Variants in OR52E5 observed in about 807,000 individuals in gnomAD.
OR52E5 encodes the protein olfactory receptor family 52 subfamily E member 5, also known as olfactory receptor 52E5.
At chr11:5,893,948 T>C (rs2134286308) in intron 1 of OR52E5, among the ~76,000 whole-genome samples, 1 of 152,308 alleles carries the variant, frequency 6.6e-6, no homozygotes, top group South Asian at 2.1e-4. Context: ...GATCCAATCC[T>C]ACCTTCCTGG....
At chr11:5,896,474 TCA>T (rs1229752794) in intron 2 of OR52E5, among the ~76,000 whole-genome samples, 3 of 151,626 alleles carry the variant, frequency 2.0e-5, no homozygotes, top group Non-Finnish European at 4.4e-5. Flanking sequence ...GAAAAATTAT[TCA>T]GTTTTCAAAT....
At chr11:5,894,275 T>TC (rs1252023037) in intron 1 of OR52E5, among the ~76,000 whole-genome samples, 2 of 152,138 alleles carry the variant, frequency 1.3e-5, no homozygotes, top group Non-Finnish European at 2.9e-5. Flanking sequence ...ACTGGACCCC[T>TC]CTTCAAGAGC....
chr11:5,893,586 G>T (rs957354019), intron 1 of OR52E5, among the ~76,000 whole-genome samples: 103 of 152,170 alleles, frequency 6.8e-4, no homozygotes, highest in African/African-American at 2.5e-3. Context: ...ATTTCATGAA[G>T]ATGAGAAGGA....
At chr11:5,897,657 AAAT>A (rs1847193754) in intron 2 of OR52E5, among the ~76,000 whole-genome samples, 1 of 152,178 alleles carries the variant, frequency 6.6e-6, no homozygotes, top group Non-Finnish European at 1.5e-5. Context: ...GGATTCCTAG[AAAT>A]AATGATAGTT....
In OR52E5 at chr11:5,900,988, C is replaced by T; in HGVS notation, c.212C>T (p.Thr71Ile). The T allele has an allele frequency of 2.5e-6, 1 of 402,064 alleles. No homozygotes were observed. The highest frequency in any genetic ancestry group is 1.3e-4 in the South Asian group (1 of 7,952). The allele number at this position is 402,064 out of a possible 1,614,324, so 24.9% of individuals were successfully genotyped here. ...TACTTCCTAGCCATGTTGGCCGGCA[C>T]TGATCTGGGCTTGTCTACAGCAACC... is the stretch of plus-strand genomic sequence containing the variant. ...MFYFLAMLAG[T>I]DLGLSTATIP... is the part of the protein sequence containing the mutation. The change falls in exon 3 of 3, where the codon ACT becomes ATT. Residue 71 changes from threonine (T) to isoleucine (I), a missense_variant. Transcript: ENST00000610445.
At chr11:5,897,239 T>C (rs1256822987) in intron 2 of OR52E5, among the ~76,000 whole-genome samples, 1 of 152,174 alleles carries the variant, frequency 6.6e-6, no homozygotes, top group African/African-American at 2.4e-5. Context: ...ACCCAAATAG[T>C]GAACATTGTA....
chr11:5,899,192 T>C (rs1847216499), intron 2 of OR52E5, among the ~76,000 whole-genome samples: 1 of 152,196 alleles, frequency 6.6e-6, no homozygotes, highest in Non-Finnish European at 1.5e-5. Flanking sequence ...GTGTGGCTAT[T>C]TTAAATGGGT....
intron 1 of OR52E5, among the ~76,000 whole-genome samples, chr11:5,894,121 G>A (rs2134286490): frequency 6.6e-6 from 1 of 152,098 alleles, no homozygotes; most frequent in African/African-American, 2.4e-5. Context: ...GTGGATCCTG[G>A]CATTAAAAAA....
At chr11:5,898,276 G>A (rs534521272) in intron 2 of OR52E5, among the ~76,000 whole-genome samples, 4 of 151,948 alleles carry the variant, frequency 2.6e-5, no homozygotes, top group South Asian at 2.1e-4. Flanking sequence ...CTTTGCCCAC[G>A]TTTTAATTGG....
intron 2 of OR52E5, among the ~76,000 whole-genome samples, chr11:5,897,247 G>C (rs1332406877): frequency 6.6e-6 from 1 of 152,138 alleles, no homozygotes; most frequent in African/African-American, 2.4e-5. Flanking sequence ...AGTGAACATT[G>C]TACCCAAAAG....
At chr11:5,895,136 C>G (rs554013357) in intron 1 of OR52E5, among the ~76,000 whole-genome samples, 1 of 152,208 alleles carries the variant, frequency 6.6e-6, no homozygotes, top group South Asian at 2.1e-4. Context: ...GAAAAGATTG[C>G]TAAGGCCATG....
rs1210759816 is a variant in OR52E5 at position 5,901,530 on chromosome 11, C to G, written c.754C>G (p.Leu252Val). 2 of 401,766 alleles carry G rather than the reference C, an allele frequency of 5.0e-6. No individual in the cohort carries two copies. The highest frequency in any genetic ancestry group is 4.4e-6 in the Non-Finnish European group (1 of 226,402). 24.9% of individuals were successfully genotyped at this position (401,766 alleles called of 1,614,324 possible). A position where few individuals can be genotyped will look rare whatever the true frequency, so the allele number is the denominator to read the frequency against. ...SHVCVMLAFY[L>V]PALFSFMTHR... ...CGTCTGTGTTATGTTGGCTTTCTAC[C>G]TGCCAGCCCTCTTTTCCTTCATGAC... Residue 252 changes from leucine (L) to valine (V), a missense_variant, in exon 3 of 3, where the codon CTG (leucine) becomes GTG (valine). By Grantham distance (32) the Leu-to-Val change is conservative (BLOSUM62 1). Coordinates refer to ENST00000610445, the MANE Select transcript of OR52E5 (RefSeq NM_001005166.5).
chr11:5,894,849 T>C (rs1018002211), intron 1 of OR52E5, among the ~76,000 whole-genome samples: 2 of 152,100 alleles, frequency 1.3e-5, no homozygotes, highest in Non-Finnish European at 2.9e-5. Context: ...AGATCTTCCA[T>C]TGTAGATTAA....
At chr11:5,899,881 C>G (rs947476165) in intron 2 of OR52E5, among the ~76,000 whole-genome samples, 1 of 152,172 alleles carries the variant, frequency 6.6e-6, no homozygotes, top group East Asian at 1.9e-4. Context: ...CACTGTCCAT[C>G]AATATACCAG....
chr11:5,898,016 C>G (rs1847199218), intron 2 of OR52E5, among the ~76,000 whole-genome samples: 1 of 151,742 alleles, frequency 6.6e-6, no homozygotes, highest in Non-Finnish European at 1.5e-5. Flanking sequence ...GCGCACACCA[C>G]CACACCAAGC....
intron 2 of OR52E5, among the ~76,000 whole-genome samples, chr11:5,900,167 T>C (rs1216106583): frequency 6.6e-6 from 1 of 152,154 alleles, no homozygotes; most frequent in African/African-American, 2.4e-5. Flanking sequence ...GAGGGAGCAT[T>C]GTTTTTCTGG....
chr11:5,900,017 T>C (rs958960442), intron 2 of OR52E5, among the ~76,000 whole-genome samples: 3 of 152,180 alleles, frequency 2.0e-5, no homozygotes, highest in Non-Finnish European at 2.9e-5. Context: ...TATGAAGCGA[T>C]TGCCCATTTA....
intron 1 of OR52E5, among the ~76,000 whole-genome samples, chr11:5,895,291 C>T (rs1281457850): frequency 6.6e-6 from 1 of 152,080 alleles, no homozygotes; most frequent in Non-Finnish European, 1.5e-5. Flanking sequence ...AAAATAATAG[C>T]TGTTGGATTT....
Position 5,901,351 on chromosome 11 carries a change from C to A in OR52E5, c.575C>A (p.Ala192Asp), listed in dbSNP as rs146808016. The change falls in exon 3 of 3, where the codon GCC (alanine) becomes GAC (aspartate). Residue 192 changes from alanine to aspartate, a missense_variant. Ala to Asp is a moderately radical substitution (Grantham distance 126). Transcript: ENST00000610445. ...ATGGGCTTGGCAAAGTTAGCTTGTG[C>A]CAGTATTAATGTTATATATGGATTG... ...EHMGLAKLAC[A>D]SINVIYGLIA... 132 of 401,614 alleles carry A rather than the reference C, an allele frequency of 3.3e-4. No individual in the cohort carries two copies. The highest frequency in any genetic ancestry group is 2.5e-3 in the African/African-American group (121 of 48,758). The allele number at this position is 401,614 out of a possible 1,614,324, so 24.9% of individuals were successfully genotyped here.
Sources: allele counts gnomAD v4.1 joint callset (sites outside exome capture counted in the v4.1 genomes callset), GRCh38; gene constraint gnomAD v4.1.1; transcripts MANE v1.5; gene names NCBI Gene and HGNC (gene_info 2026-07-23, HGNC 2026-07-21).